Variants in PDE12 observed in about 807,000 individuals in gnomAD.
The protein encoded by PDE12 is 2',5'-phosphodiesterase 12.
In PDE12, 26 loss-of-function variants were observed where a neutral mutation model predicts 45.4. The ratio of observed to expected loss-of-function variants is 0.57; its 90% confidence interval spans 0.42 to 0.79. The LOEUF is 0.79. PDE12 is among the 30% of genes least tolerant of loss of function. PDE12 has a pLI of 0.00. For missense variants in PDE12, 668 were observed against 790.0 expected, an observed-to-expected ratio of 0.85 and a Z score of 1.85; for synonymous variants, 283 against 323.9, an observed-to-expected ratio of 0.87 and a Z score of 1.36.
chr3:57,600,454 C>T, the PDE12 span, among the ~76,000 whole-genome samples: 1 of 147,826 alleles, frequency 6.8e-6, no homozygotes, highest in Non-Finnish European at 1.5e-5. Context: ...CCCTTCTGTT[C>T]CCTTTTCCCT....
At chr3:57,618,089 A>G in the PDE12 span, among the ~76,000 whole-genome samples, 1 of 152,194 alleles carries the variant, frequency 6.6e-6, no homozygotes, top group Admixed American at 6.5e-5. Flanking sequence ...CACTGGGTAC[A>G]CACAGACACA....
chr3:57,610,793 G>C, the PDE12 span, among the ~76,000 whole-genome samples: 2 of 152,116 alleles, frequency 1.3e-5, no homozygotes, highest in South Asian at 4.2e-4. Flanking sequence ...TCAATATCGT[G>C]AAAATGGCCA....
the PDE12 span, among the ~76,000 whole-genome samples, chr3:57,588,771 A>G: frequency 7.0e-6 from 1 of 142,956 alleles, no homozygotes; most frequent in Non-Finnish European, 1.5e-5. Context: ...AGCCTGGACA[A>G]CATGGCAAAA....
chr3:57,585,375 A>G, the PDE12 span, among the ~76,000 whole-genome samples: 4 of 152,216 alleles, frequency 2.6e-5, no homozygotes, highest in Admixed American at 6.5e-5. Context: ...ACTATGTCCT[A>G]GTGACCTTAT....
chr3:57,600,910 A>G, the PDE12 span: 3 of 152,096 alleles, frequency 2.0e-5, no homozygotes, highest in Non-Finnish European at 4.4e-5. Flanking sequence ...CCTTTCATCA[A>G]TACAAACCCA....
chr3:57,641,235 TTAAA>T, the PDE12 span, among the ~76,000 whole-genome samples: 1 of 144,044 alleles, frequency 6.9e-6, no homozygotes. Context: ...ATTTAAATAT[TTAAA>T]TATATATTAT....
chr3:57,646,741 G>A, the PDE12 span, among the ~76,000 whole-genome samples: 6 of 152,180 alleles, frequency 3.9e-5, no homozygotes, highest in East Asian at 3.9e-4. Flanking sequence ...CCATATGATC[G>A]ATCTATTTTA....
At chr3:57,572,809 A>G in the PDE12 span, among the ~76,000 whole-genome samples, 2 of 152,218 alleles carry the variant, frequency 1.3e-5, no homozygotes, top group Non-Finnish European at 2.9e-5. Context: ...AAAAGAAATC[A>G]TGGGGAAATT....
rs1233297524 is a variant in PDE12 at position 57,563,702 on chromosome 3, C to T, written c.*3698C>T. 1.3e-5 allele frequency: 2 copies of T among 152,154 alleles called. No homozygotes were observed. Among genetic ancestry groups the T allele is most frequent in the Non-Finnish European group, 2.9e-5 (2 of 68,078 alleles). The allele number at this position is 152,154 out of a possible 1,614,324, so 9.4% of individuals were successfully genotyped here. A position where few individuals can be genotyped will look rare whatever the true frequency, so the allele number is the denominator to read the frequency against. On this transcript the variant is annotated 3_prime_UTR_variant, in exon 3 of 3. Transcript: ENST00000311180. ...AGGAGTTCAAGACCAGCCTTGGCAA[C>T]ATTGTGAGACCCTATCTCTGCAAAA...
the PDE12 span, among the ~76,000 whole-genome samples, chr3:57,631,718 T>C: frequency 5.8e-5 from 4 of 68,568 alleles, no homozygotes; most frequent in African/African-American, 8.2e-5. Context: ...TCTGCTCTCT[T>C]TTTTTTTTTT....
chr3:57,598,090 T>C, the PDE12 span: 1 of 152,266 alleles, frequency 6.6e-6, no homozygotes, highest in East Asian at 1.9e-4. Context: ...CTTTTTTTCC[T>C]AGAAGCAGCA....
At chr3:57,643,417 C>G in the PDE12 span, among the ~76,000 whole-genome samples, 5 of 152,054 alleles carry the variant, frequency 3.3e-5, no homozygotes, top group African/African-American at 9.7e-5. Flanking sequence ...CCCCTCCCCC[C>G]ACAACACACA....
At chr3:57,615,459 A>G in the PDE12 span, among the ~76,000 whole-genome samples, 34 of 152,288 alleles carry the variant, frequency 2.2e-4, no homozygotes, top group Admixed American at 8.5e-4. Context: ...GAGTAACTAA[A>G]AAAAGAGAGA....
downstream of PDE12, among the ~76,000 whole-genome samples, chr3:57,569,286 T>C (rs891000843): frequency 6.6e-6 from 1 of 151,338 alleles, no homozygotes; most frequent in South Asian, 2.1e-4. Context: ...AAAGGAACTT[T>C]AAAAAAAAAT....
At chr3:57,583,526 G>A in the PDE12 span, among the ~76,000 whole-genome samples, 3 of 152,096 alleles carry the variant, frequency 2.0e-5, no homozygotes, top group African/African-American at 7.2e-5. Flanking sequence ...ACAAGTAACT[G>A]GGCTAAACAA....
At chr3:57,578,974 A>T in the PDE12 span, among the ~76,000 whole-genome samples, 4 of 152,296 alleles carry the variant, frequency 2.6e-5, no homozygotes, top group African/African-American at 9.6e-5. Flanking sequence ...CATGTCACTT[A>T]TAACAGATTG....
At chr3:57,587,179 T>G in the PDE12 span, among the ~76,000 whole-genome samples, 1 of 151,504 alleles carries the variant, frequency 6.6e-6, no homozygotes, top group African/African-American at 2.4e-5. Context: ...ACTAGCTGGA[T>G]GTGGTGGCAT....
the PDE12 span, among the ~76,000 whole-genome samples, chr3:57,607,910 A>C: frequency 1.3e-5 from 2 of 152,176 alleles, no homozygotes; most frequent in African/African-American, 4.8e-5. Context: ...CTCCTCAAGA[A>C]GAGCAACTCC....
the PDE12 span, chr3:57,630,720 A>G: frequency 1.2e-4 from 196 of 1,612,190 alleles, 1 homozygote; most frequent in South Asian, 2.0e-3. Context: ...CTAACCGGTA[A>G]AGTCCAATCC....
Sources: gnomAD v4.1 joint callset for allele counts (sites outside exome capture counted in the v4.1 genomes callset) on GRCh38, gnomAD v4.1.1 for gene constraint, MANE v1.5 for transcripts, NCBI Gene and HGNC (gene_info 2026-07-23, HGNC 2026-07-21) for gene names.